The following LRMDA variants were observed in gnomAD, a reference collection of about 807,000 sequenced individuals.
LRMDA encodes the protein leucine rich melanocyte differentiation associated, also known as leucine-rich melanocyte differentiation-associated protein.
Under a neutral mutation model 29.8 loss-of-function variants are expected in LRMDA, and 18 were observed. The observed-to-expected ratio is 0.60, with a 90% CI of 0.42 to 0.90. The LOEUF (loss-of-function observed/expected upper bound fraction) is 0.90. Ranked by LOEUF, LRMDA falls within the 40% of genes least tolerant of loss-of-function variation. The pLI, the probability that LRMDA is intolerant of heterozygous loss-of-function variation, is 0.00. For missense variants in LRMDA, 273 were observed against 273.9 expected (o/e 1.00, Z 0.02); for synonymous variants, 125 against 109.4 (o/e 1.14, Z -0.89).
At chr10:75,673,443 A>G (rs1352546782) in intron 2 of LRMDA, among the ~76,000 whole-genome samples, 4 of 152,192 alleles carry the variant, frequency 2.6e-5, no homozygotes, top group Admixed American at 6.5e-5. Context: ...CTTGACTGCT[A>G]TATTTCCATA....
At chr10:76,333,481 A>C (rs1228344221) in intron 6 of LRMDA, among the ~76,000 whole-genome samples, 3 of 152,158 alleles carry the variant, frequency 2.0e-5, no homozygotes, top group Non-Finnish European at 4.4e-5. Context: ...GTAATTTAGA[A>C]AACAACTTGG....
At chr10:75,762,613 A>G (rs966308918) in intron 2 of LRMDA, among the ~76,000 whole-genome samples, 2 of 152,216 alleles carry the variant, frequency 1.3e-5, no homozygotes, top group African/African-American at 4.8e-5. Flanking sequence ...TAATGGCTAT[A>G]TATCCTTGGA....
At chr10:76,379,810 T>C (rs1367090783) in intron 6 of LRMDA, among the ~76,000 whole-genome samples, 2 of 152,216 alleles carry the variant, frequency 1.3e-5, no homozygotes, top group Non-Finnish European at 2.9e-5. Context: ...CCTTAGACTG[T>C]TAATTTTTGA....
At chr10:76,186,868 G>T (rs1401830299) in intron 5 of LRMDA, among the ~76,000 whole-genome samples, 1 of 152,164 alleles carries the variant, frequency 6.6e-6, no homozygotes, top group African/African-American at 2.4e-5. Context: ...CTGAATTTCA[G>T]CTCACTGAAT....
intron 5 of LRMDA, among the ~76,000 whole-genome samples, chr10:76,217,360 T>C (rs1221138138): frequency 6.6e-6 from 1 of 152,172 alleles, no homozygotes; most frequent in African/African-American, 2.4e-5. Context: ...AGCCAAGACA[T>C]TGTATCTCTA....
chr10:75,475,010 A>T (rs1274989204), intron 2 of LRMDA, among the ~76,000 whole-genome samples: 4 of 152,198 alleles, frequency 2.6e-5, no homozygotes, highest in African/African-American at 9.7e-5. Flanking sequence ...AGTTATCCAT[A>T]GCCCAGCACC....
chr10:76,349,436 A>G (rs1303465253), intron 6 of LRMDA, among the ~76,000 whole-genome samples: 2 of 152,130 alleles, frequency 1.3e-5, no homozygotes, highest in African/African-American at 4.8e-5. Flanking sequence ...ATAAAAATAT[A>G]AATGTAGCTA....
At chr10:75,648,532 C>T (rs1264894838) in intron 2 of LRMDA, among the ~76,000 whole-genome samples, 2 of 152,114 alleles carry the variant, frequency 1.3e-5, no homozygotes, top group Non-Finnish European at 2.9e-5. Flanking sequence ...ATATGGACCA[C>T]GTGGGCCTGG....
chr10:76,520,263 G>GTT (rs560682527), intron 6 of LRMDA, among the ~76,000 whole-genome samples: 12 of 145,454 alleles, frequency 8.3e-5, no homozygotes, highest in South Asian at 2.2e-4. Context: ...TAATCTTTCA[G>GTT]TTTTTTTTTT....
At chr10:76,088,011 T>TATAGTCCC (rs1430054291) in intron 5 of LRMDA, among the ~76,000 whole-genome samples, 1 of 152,096 alleles carries the variant, frequency 6.6e-6, no homozygotes, top group Non-Finnish European at 1.5e-5. Flanking sequence ...TCCCAGCTAC[T>TATAGTCCC]TGGGAGGCTC....
At chr10:75,824,621 C>A (rs747442654) in intron 2 of LRMDA, among the ~76,000 whole-genome samples, 1 of 152,184 alleles carries the variant, frequency 6.6e-6, no homozygotes, top group Admixed American at 6.5e-5. Flanking sequence ...ACCAAGGATT[C>A]TCCTGACACT....
chr10:75,721,912 A>G (rs1842572500), intron 2 of LRMDA, among the ~76,000 whole-genome samples: 1 of 152,212 alleles, frequency 6.6e-6, no homozygotes, highest in South Asian at 2.1e-4. Flanking sequence ...GGCAATCATT[A>G]ATTTTTAAAG....
rs1015930041 is a variant in LRMDA, at chr10:76,333,948, C to T, written c.601+9463C>T. 1.3e-4 allele frequency among the ~76,000 whole-genome samples: 20 copies of T among 152,272 alleles called. No homozygotes were observed. The East Asian group carries it at 1.9e-3, about 15-fold the overall frequency. ...TGGTCTCTGCCTGTTGCCCCTCTGT[C>T]GGTTCATCCTCATCACAGGATTCTC... is the stretch of plus-strand genomic sequence containing the variant. On this transcript the variant is annotated intron_variant, in intron 6 of 6. Coordinates refer to ENST00000611255, the MANE Select transcript of LRMDA (RefSeq NM_001305581.2).
chr10:75,611,278 C>T (rs1217018148), intron 2 of LRMDA, among the ~76,000 whole-genome samples: 2 of 152,130 alleles, frequency 1.3e-5, no homozygotes, highest in Admixed American at 6.5e-5. Context: ...CTTGTAAAGT[C>T]GATCTGTGAG....
At chr10:76,076,325 G>C (rs571358691) in intron 5 of LRMDA, among the ~76,000 whole-genome samples, 11 of 116,014 alleles carry the variant, frequency 9.5e-5, no homozygotes, top group Middle Eastern at 0.019. Context: ...CAGCCTGGGC[G>C]ACAGAGCGAG....
intron 5 of LRMDA, among the ~76,000 whole-genome samples, chr10:76,117,588 G>A (rs1242884096): frequency 1.3e-5 from 2 of 152,208 alleles, no homozygotes; most frequent in African/African-American, 4.8e-5. Flanking sequence ...AGGCCAAGAA[G>A]AGAATGACCT....
At chr10:75,511,680 C>T (rs143818805) in intron 2 of LRMDA, among the ~76,000 whole-genome samples, 68 of 152,264 alleles carry the variant, frequency 4.5e-4, no homozygotes, top group Non-Finnish European at 7.4e-4. Context: ...TATTTTTAAC[C>T]AGTTGAACCA....
At chr10:76,404,385 A>G (rs1318009097) in intron 6 of LRMDA, among the ~76,000 whole-genome samples, 2 of 152,194 alleles carry the variant, frequency 1.3e-5, no homozygotes, top group Non-Finnish European at 2.9e-5. Context: ...ATAAAATAAA[A>G]TAAATCCCTA....
At chr10:75,811,455 T>C (rs1240609489) in intron 2 of LRMDA, among the ~76,000 whole-genome samples, 1 of 152,104 alleles carries the variant, frequency 6.6e-6, no homozygotes, top group Non-Finnish European at 1.5e-5. Flanking sequence ...GCTGCTGCGC[T>C]CCCTCGGGAA....
Sources: allele counts gnomAD v4.1 joint callset (sites outside exome capture counted in the v4.1 genomes callset), GRCh38; gene constraint gnomAD v4.1.1; transcripts MANE v1.5; gene names NCBI Gene and HGNC (gene_info 2026-07-23, HGNC 2026-07-21).